Variants in C17orf58 observed in about 807,000 individuals in gnomAD.
C17orf58 encodes the protein UPF0450 protein C17orf58.
In C17orf58, 5 loss-of-function variants were observed where a neutral mutation model predicts 7.4. The observed-to-expected ratio is 0.67, with a 90% CI of 0.35 to 1.42. The LOEUF is 1.42. Among genes scored for constraint, C17orf58 ranks in the 40% most tolerant of loss-of-function variants. C17orf58 has a pLI of 0.04. For synonymous variants in C17orf58, 60 were observed against 70.6 expected, an observed-to-expected ratio of 0.85 and a Z score of 0.75; for missense variants, 162 against 174.2, an observed-to-expected ratio of 0.93 and a Z score of 0.40.
At position 67,993,404 on chromosome 17, in the gene C17orf58, G is replaced by T; in HGVS notation, c.637+20C>A. 1 of 575,344 alleles carries T rather than the reference G, an allele frequency of 1.7e-6. No homozygotes were observed. Among genetic ancestry groups the T allele is most frequent in the Admixed American group, 3.4e-5 (1 of 29,630 alleles). The allele number at this position is 575,344 out of a possible 1,614,324, so 35.6% of individuals were successfully genotyped here. On this transcript the variant is annotated intron_variant, in intron 2 of 3. Transcript: ENST00000580729. The surrounding 1 kb of genome is among the most constrained non-coding windows in gnomAD (Gnocchi z 5.1). The stretch of plus-strand genomic sequence containing the variant: ...AAGGCTCGCGGGGCGGCGGGGCGGC[G>T]GCGCGGCGGCCGGGCTCACCGAATT...
chr17:67,996,031 C>CAGGGGGG (rs2070888963), intron 1 of C17orf58, 92 bp downstream of exon 1: 2 of 398,588 alleles, frequency 5.0e-6, no homozygotes, highest in Non-Finnish European at 8.8e-6. Flanking sequence ...TCTGACCCCC[C>CAGGGGGG]TCCTCGTCCC....
Position 67,992,137 on chromosome 17 carries a change from G to A in C17orf58, c.830-34C>T, listed in dbSNP as rs782456813. The A allele has an allele frequency of 1.0e-5, 15 of 1,498,806 alleles. No homozygotes were observed. In the East Asian group the frequency reaches 3.1e-4, roughly 31 times the overall value. The allele number at this position is 1,498,806 out of a possible 1,614,324, so 92.8% of individuals were successfully genotyped here. Reference sequence around the variant, plus strand: ...AATAACCAGAACATTAATTCATAGTGTCTTTTAAATGCCATGAAACAGAAA... The same window carrying A: ...AATAACCAGAACATTAATTCATAGTATCTTTTAAATGCCATGAAACAGAAA... On this transcript the variant is annotated intron_variant, in intron 3 of 3. Coordinates refer to ENST00000580729, the MANE Select transcript of C17orf58 (RefSeq NM_001382359.1).
At position 67,993,464 on chromosome 17, in the gene C17orf58, G is replaced by T; in HGVS notation, c.597C>A (p.Ser199=). The T allele has an allele frequency of 2.1e-6, 1 of 465,824 alleles. No homozygotes were observed. The highest frequency in any genetic ancestry group is 3.7e-6 in the Non-Finnish European group (1 of 267,316). 28.9% of individuals were successfully genotyped at this position (465,824 alleles called of 1,614,324 possible). ...GAEPCARACR[S]DLDEREAFCE... is the part of the protein sequence containing the mutation. Reference sequence around the variant, plus strand: ...AGAACGCCTCGCGTTCGTCCAGATCGGACCGGCAGGCGCGCGCGCAGGGCT... The same window carrying T: ...AGAACGCCTCGCGTTCGTCCAGATCTGACCGGCAGGCGCGCGCGCAGGGCT... The change falls in exon 2 of 4, where the codon TCC becomes TCA. Residue 199 remains serine (S), a synonymous_variant. Transcript: ENST00000580729. The surrounding 1 kb of genome is among the most constrained non-coding windows in gnomAD (Gnocchi z 5.1).
intron 3 of C17orf58, among the ~76,000 whole-genome samples, chr17:67,992,530 T>C (rs1479198364): frequency 8.2e-6 from 1 of 121,222 alleles, no homozygotes; most frequent in African/African-American, 3.3e-5. Context: ...ATCGAACCAC[T>C]GCACTCCAGC....
rs542211289 is a variant in C17orf58 at position 67,991,349 on chromosome 17, C to G, written c.*564G>C. The G allele has an allele frequency of 3.3e-5, 5 of 151,312 alleles. No homozygotes were observed. The South Asian group carries it at 6.3e-4, about 19-fold the overall frequency. 9.4% of individuals were successfully genotyped at this position (151,312 alleles called of 1,614,324 possible). ...TTATTTTATTTATTTTTTTAATCCACCCATCTGCACACTGGCCCTTTAGTA... is the reference window on the plus strand; with the variant it reads ...TTATTTTATTTATTTTTTTAATCCAGCCATCTGCACACTGGCCCTTTAGTA... On this transcript the variant is annotated 3_prime_UTR_variant, in exon 4 of 4. Coordinates refer to ENST00000580729, the MANE Select transcript of C17orf58 (RefSeq NM_001382359.1).
At position 67,992,037 on chromosome 17, in the gene C17orf58, T is replaced by C; in HGVS notation, c.896A>G (p.Gln299Arg). ...KRRQLPTALL[Q>R]VLRGRLRPGD... Reference sequence around the variant, plus strand: ...TGGACGGAGGCGGCCTCTCAGGACCTGGAGCAGAGCTGTAGGGAGCTGCCG... The same window carrying C: ...TGGACGGAGGCGGCCTCTCAGGACCCGGAGCAGAGCTGTAGGGAGCTGCCG... The change falls in exon 4 of 4, where the codon CAG (glutamine) becomes CGG (arginine). Residue 299 changes from glutamine (Q) to arginine (R), a missense_variant. Around this residue, in one of 3 missense-constraint regions of C17orf58, gnomAD observed 65 missense variants for 66.4 expected, o/e 0.98. Coordinates refer to ENST00000580729, the MANE Select transcript of C17orf58 (RefSeq NM_001382359.1). 6.2e-7 allele frequency: 1 copy of C among 1,612,586 alleles called. No homozygotes were observed. Among genetic ancestry groups the C allele is most frequent in the Non-Finnish European group, 8.5e-7 (1 of 1,179,340 alleles).
intron 1 of C17orf58, among the ~76,000 whole-genome samples, chr17:67,995,404 A>C (rs2070883954): frequency 6.6e-6 from 1 of 152,214 alleles, no homozygotes; most frequent in African/African-American, 2.4e-5. Flanking sequence ...AATGCCACTG[A>C]AGTCATTCAA....
At chr17:67,994,516 G>GTGTGTATATATATATA (rs1244199425) in intron 1 of C17orf58, among the ~76,000 whole-genome samples, 4 of 89,542 alleles carry the variant, frequency 4.5e-5, no homozygotes, top group African/African-American at 1.5e-4. Context: ...GTGTGTGTGT[G>GTGTGTATATATATATA]TATATATATA....
chr17:67,992,183 G>C (rs1453939975), intron 3 of C17orf58, 80 bp from the exon 4 acceptor site: 3 of 1,198,444 alleles, frequency 2.5e-6, no homozygotes, highest in Non-Finnish European at 3.5e-6. Context: ...TTTAAGAAAC[G>C]CCTAAGCTGC....
In C17orf58 at chr17:67,993,269, A is replaced by C. The variant is rs1599118504; in HGVS notation, c.638-34T>G. ...GAAAAACAGTTTGGAGAAGAGCATT[A>C]CCCCGAGTTCCTCTCCCAGTCCCCC... is the stretch of plus-strand genomic sequence containing the variant. On this transcript the variant is annotated intron_variant, in intron 2 of 3. Transcript: ENST00000580729. This position sits in a 1 kb window ranked among gnomAD's most constrained non-coding sequence, Gnocchi z 5.1. 1 of 1,329,338 alleles carries C rather than the reference A, an allele frequency of 7.5e-7. No individual in the cohort carries two copies. The highest frequency in any genetic ancestry group is 1.0e-6 in the Non-Finnish European group (1 of 964,372). The allele number at this position is 1,329,338 out of a possible 1,614,324, so 82.3% of individuals were successfully genotyped here.
chr17:67,994,333 GGAA>G (rs1353904835), intron 1 of C17orf58, among the ~76,000 whole-genome samples: 1 of 151,766 alleles, frequency 6.6e-6, no homozygotes, highest in Non-Finnish European at 1.5e-5. Context: ...AGGCCCCAAA[GGAA>G]GAAGGATACG....
At chr17:67,992,793 T>C in intron 3 of C17orf58, 2 of 1,350,980 alleles carry the variant, frequency 1.5e-6, no homozygotes, top group Admixed American at 4.8e-5. Flanking sequence ...TCCACCCCAT[T>C]TGTCAACATC....
chr17:67,994,559 CTT>C lies in C17orf58; in HGVS notation c.77-577_77-576del, dbSNP rs552669784. 1.0e-3 allele frequency among the ~76,000 whole-genome samples: 114 copies of C among 112,718 alleles called. 1 individual carries two copies. The highest frequency in any genetic ancestry group is 3.3e-3 in the African/African-American group (109 of 33,440). The allele number at this position is 112,718 out of a possible 152,430, so 73.9% of individuals were successfully genotyped here. ...ATAAAACATATATAAACATCCGCCTCTTTGCTATTTACAGTTTGTTGAGAAAG... is the reference window on the plus strand; with the variant it reads ...ATAAAACATATATAAACATCCGCCTCTGCTATTTACAGTTTGTTGAGAAAG... On this transcript the variant is annotated intron_variant, in intron 1 of 3. Transcript: ENST00000580729.
Position 67,993,282 on chromosome 17 carries a change from C to T in C17orf58, c.638-47G>A. The T allele has an allele frequency of 8.3e-7, 1 of 1,208,452 alleles. No individual in the cohort carries two copies. The highest frequency in any genetic ancestry group is 1.2e-6 in the Non-Finnish European group (1 of 860,850). The allele number at this position is 1,208,452 out of a possible 1,614,324, so 74.9% of individuals were successfully genotyped here. ...GAGAAGAGCATTACCCCGAGTTCCT[C>T]TCCCAGTCCCCCAGGAGGTGGTTTT... On this transcript the variant is annotated intron_variant, in intron 2 of 3. Coordinates refer to ENST00000580729, the MANE Select transcript of C17orf58 (RefSeq NM_001382359.1). The surrounding 1 kb of genome is among the most constrained non-coding windows in gnomAD (Gnocchi z 5.1).
rs782146402 is a variant in C17orf58 at position 67,991,868 on chromosome 17, C to T, written c.*45G>A. Reference sequence around the variant, plus strand: ...AGGTAGACCTTTCATGTCTTGTTGCCGACGTCCAAGTCTCTTGCGGTCCAG... The same window carrying T: ...AGGTAGACCTTTCATGTCTTGTTGCTGACGTCCAAGTCTCTTGCGGTCCAG... On this transcript the variant is annotated 3_prime_UTR_variant, in exon 4 of 4. Coordinates refer to ENST00000580729, the MANE Select transcript of C17orf58 (RefSeq NM_001382359.1). The T allele has an allele frequency of 2.2e-5, 33 of 1,512,944 alleles. No individual in the cohort carries two copies. In the African/African-American group the frequency reaches 3.4e-4, roughly 16 times the overall value. The allele number at this position is 1,512,944 out of a possible 1,614,324, so 93.7% of individuals were successfully genotyped here.
At position 67,993,173 on chromosome 17, in the gene C17orf58, G is replaced by GC; in HGVS notation, c.699dup (p.Leu234AlafsTer36). On this transcript the variant is annotated frameshift_variant, in exon 3 of 4. Coordinates refer to ENST00000580729, the MANE Select transcript of C17orf58 (RefSeq NM_001382359.1). LOFTEE classifies it high-confidence loss of function. The surrounding 1 kb of genome is among the most constrained non-coding windows in gnomAD (Gnocchi z 5.1). ...TTGTACAGCCCGTCCCGATCCACCA[G>GC]CAGGGTCACCAGCCGGATGCCCGCG... 1 of 1,612,748 alleles carries GC rather than the reference G, an allele frequency of 6.2e-7. No homozygotes were observed. Among genetic ancestry groups the GC allele is most frequent in the South Asian group, 1.1e-5 (1 of 91,028 alleles).
In C17orf58 at chr17:67,992,897, A is replaced by C. The variant is rs1352544433; in HGVS notation, c.829+147T>G. On this transcript the variant is annotated intron_variant, in intron 3 of 3. Transcript: ENST00000580729. ...CTTAAATCACAGAGTGGCCGGAATA[A>C]TACCTGTCGTCTAAATCCCATTCAT... 4 of 1,613,490 alleles carry C rather than the reference A, an allele frequency of 2.5e-6. No individual in the cohort carries two copies. The African/African-American group carries it at 5.3e-5, about 22-fold the overall frequency.
intron 1 of C17orf58, among the ~76,000 whole-genome samples, chr17:67,994,215 T>C (rs1362690206): frequency 6.6e-6 from 1 of 150,946 alleles, no homozygotes; most frequent in Non-Finnish European, 1.5e-5. Context: ...CAAGGGAGGC[T>C]TCGCAGGCAC....
In C17orf58 at chr17:67,991,856, A is replaced by AT; in HGVS notation, c.*56dup. 2 of 1,462,494 alleles carry AT rather than the reference A, an allele frequency of 1.4e-6. No individual in the cohort carries two copies. Among genetic ancestry groups the AT allele is most frequent in the Non-Finnish European group, 1.9e-6 (2 of 1,074,220 alleles). 90.6% of individuals were successfully genotyped at this position (1,462,494 alleles called of 1,614,324 possible). A position where few individuals can be genotyped will look rare whatever the true frequency, so the allele number is the denominator to read the frequency against. The stretch of plus-strand genomic sequence containing the variant: ...CCCATTACATGAAGGTAGACCTTTC[A>AT]TGTCTTGTTGCCGACGTCCAAGTCT... On this transcript the variant is annotated 3_prime_UTR_variant, in exon 4 of 4. Transcript: ENST00000580729.
Sources: allele counts gnomAD v4.1 joint callset (sites outside exome capture counted in the v4.1 genomes callset), GRCh38; gene constraint gnomAD v4.1.1; regional missense constraint gnomAD v4.1.1; non-coding constraint Gnocchi (gnomAD v3.1); transcripts MANE v1.5; gene names NCBI Gene and HGNC (gene_info 2026-07-23, HGNC 2026-07-21).